The following NKAIN2 variants were observed in gnomAD, a reference collection of about 807,000 sequenced individuals.
The protein encoded by NKAIN2 is sodium/potassium-transporting ATPase subunit beta-1-interacting protein 2.
In NKAIN2, 14 loss-of-function variants were observed where a neutral mutation model predicts 32.6. The ratio of observed to expected loss-of-function variants is 0.43; its 90% CI spans 0.28 to 0.67. NKAIN2 has a LOEUF of 0.67. Among genes scored for constraint, NKAIN2 ranks in the 30% least tolerant of loss-of-function variants. The pLI is 0.17. For missense variants in NKAIN2, 198 were observed against 258.3 expected, an observed-to-expected ratio of 0.77 and a Z score of 1.60; for synonymous variants, 80 against 87.2, an observed-to-expected ratio of 0.92 and a Z score of 0.46.
chr6:124,092,537 A>G (rs996191501), intron 1 of NKAIN2, among the ~76,000 whole-genome samples: 11 of 151,974 alleles, frequency 7.2e-5, no homozygotes, highest in Admixed American at 2.0e-4. Flanking sequence ...TAGATGTTAG[A>G]TTTTTGTATT....
intron 3 of NKAIN2, among the ~76,000 whole-genome samples, chr6:124,440,178 A>G (rs78980239): frequency 0.041 from 6,276 of 152,126 alleles, 466 homozygotes; most frequent in African/African-American, 0.14. Context: ...AAGCAGCTGG[A>G]GAATGAGTGC....
chr6:124,186,980 T>G (rs1361107994), intron 1 of NKAIN2, among the ~76,000 whole-genome samples: 2 of 152,150 alleles, frequency 1.3e-5, no homozygotes, highest in Non-Finnish European at 2.9e-5. Flanking sequence ...TTTTTAAAAA[T>G]TTTTACTTAA....
intron 4 of NKAIN2, among the ~76,000 whole-genome samples, chr6:124,734,234 T>TATGTAA (rs1776831327): frequency 6.6e-6 from 1 of 151,848 alleles, no homozygotes; most frequent in South Asian, 2.1e-4. Flanking sequence ...ATCCAACAAG[T>TATGTAA]ATGTAAATTC....
intron 1 of NKAIN2, among the ~76,000 whole-genome samples, chr6:123,835,021 T>C (rs527288293): frequency 6.6e-6 from 1 of 152,312 alleles, no homozygotes; most frequent in African/African-American, 2.4e-5. Context: ...TCTTAGTCTT[T>C]TGTTTTCTTG....
chr6:123,887,970 A>G (rs1773806811), intron 1 of NKAIN2, among the ~76,000 whole-genome samples: 1 of 152,130 alleles, frequency 6.6e-6, no homozygotes, highest in Admixed American at 6.6e-5. Flanking sequence ...GTTTTGTACA[A>G]TGATGATGAG....
chr6:123,816,490 T>C (rs952911307), intron 1 of NKAIN2, among the ~76,000 whole-genome samples: 8 of 152,072 alleles, frequency 5.3e-5, no homozygotes, highest in African/African-American at 1.9e-4. Context: ...CCGGTGAAAT[T>C]AGGTGGCAAG....
intron 3 of NKAIN2, among the ~76,000 whole-genome samples, chr6:124,453,322 A>AACAC (rs766482280): frequency 0.024 from 1,517 of 63,896 alleles, 66 homozygotes; most frequent in African/African-American, 0.048. Context: ...CATGCATATA[A>AACAC]ACACACACAC....
chr6:124,567,138 T>C (rs1281100444), intron 3 of NKAIN2, among the ~76,000 whole-genome samples: 1 of 152,230 alleles, frequency 6.6e-6, no homozygotes, highest in African/African-American at 2.4e-5. Context: ...TGCTAAGTTA[T>C]TGTATCGTCT....
At chr6:124,581,264 C>T (rs1184360220) in intron 3 of NKAIN2, among the ~76,000 whole-genome samples, 1 of 151,622 alleles carries the variant, frequency 6.6e-6, no homozygotes, top group East Asian at 1.9e-4. Flanking sequence ...AAGGTGAAAC[C>T]CCGTCTCTAC....
At chr6:124,112,229 T>G (rs1026591370) in intron 1 of NKAIN2, among the ~76,000 whole-genome samples, 34 of 152,228 alleles carry the variant, frequency 2.2e-4, no homozygotes, top group Non-Finnish European at 4.4e-5. Context: ...ACTTAACATT[T>G]CTTGTAAGGC....
chr6:124,766,153 A>T (rs1047428484), intron 4 of NKAIN2, among the ~76,000 whole-genome samples: 1 of 152,284 alleles, frequency 6.6e-6, no homozygotes, highest in East Asian at 1.9e-4. Context: ...TTGATTTCAT[A>T]TTTTGCACCA....
At chr6:124,032,470 C>T (rs550176184) in intron 1 of NKAIN2, among the ~76,000 whole-genome samples, 114 of 151,896 alleles carry the variant, frequency 7.5e-4, no homozygotes, top group Non-Finnish European at 1.4e-3. Flanking sequence ...AGTTATGTTG[C>T]CTGTGGAGTT....
chr6:124,511,734 G>A (rs999779825), intron 3 of NKAIN2, among the ~76,000 whole-genome samples: 4 of 152,136 alleles, frequency 2.6e-5, no homozygotes, highest in African/African-American at 9.7e-5. Context: ...TCCAGGTGGA[G>A]GAAATATTTG....
At chr6:124,464,873 TTAAAG>T (rs1776680386) in intron 3 of NKAIN2, among the ~76,000 whole-genome samples, 1 of 152,136 alleles carries the variant, frequency 6.6e-6, no homozygotes, top group East Asian at 1.9e-4. Flanking sequence ...CATATGAAAT[TTAAAG>T]TAGTTTTTTT....
At chr6:124,754,154 TTGAGACTCTTACC>T (rs952727450) in intron 4 of NKAIN2, among the ~76,000 whole-genome samples, 12 of 152,180 alleles carry the variant, frequency 7.9e-5, no homozygotes, top group African/African-American at 2.6e-4. Context: ...ACTATGACGA[TTGAGACTCTTACC>T]TGAGAACCTG....
chr6:124,224,162 TA>T (rs1791984838), intron 1 of NKAIN2, among the ~76,000 whole-genome samples: 1 of 152,140 alleles, frequency 6.6e-6, no homozygotes, highest in Non-Finnish European at 1.5e-5. Flanking sequence ...ACATTCATAT[TA>T]ATTTACGTAC....
intron 1 of NKAIN2, among the ~76,000 whole-genome samples, chr6:124,201,201 C>T (rs1384711943): frequency 6.6e-6 from 1 of 152,020 alleles, no homozygotes; most frequent in Non-Finnish European, 1.5e-5. Flanking sequence ...TTCTCTAAGA[C>T]TTACACACCA....
intron 1 of NKAIN2, among the ~76,000 whole-genome samples, chr6:123,986,985 A>G (rs1478997989): frequency 6.6e-6 from 1 of 152,188 alleles, no homozygotes; most frequent in Non-Finnish European, 1.5e-5. Flanking sequence ...TAACGTGAAT[A>G]TCTTAAACAC....
intron 1 of NKAIN2, among the ~76,000 whole-genome samples, chr6:124,063,745 A>G (rs1783026950): frequency 6.6e-6 from 1 of 152,092 alleles, no homozygotes; most frequent in Non-Finnish European, 1.5e-5. Flanking sequence ...ATCAATCCTA[A>G]TTTAGTATAT....
Sources: allele counts gnomAD v4.1 joint callset (sites outside exome capture counted in the v4.1 genomes callset), GRCh38; gene constraint gnomAD v4.1.1; transcripts MANE v1.5; gene names NCBI Gene and HGNC (gene_info 2026-07-23, HGNC 2026-07-21).